Variants in BIRC6 observed in about 807,000 individuals in gnomAD.
BIRC6 encodes the protein baculoviral IAP repeat containing 6, also known as dual E2 ubiquitin-conjugating enzyme/E3 ubiquitin-protein ligase BIRC6.
In BIRC6, 98 loss-of-function variants were observed where a neutral mutation model predicts 503.3. The observed-to-expected ratio is 0.19, with a 90% CI of 0.17 to 0.23. The LOEUF (loss-of-function observed/expected upper bound fraction) is 0.23, where lower values mean the gene tolerates loss of function less well. Among genes scored for constraint, BIRC6 ranks in the 10% least tolerant of loss-of-function variants. The pLI is 1.00. For missense variants in BIRC6, 5,360 were observed against 5,806.0 expected, an observed-to-expected ratio of 0.92 and a Z score of 2.50; for synonymous variants, 2,240 against 2,078.7, an observed-to-expected ratio of 1.08 and a Z score of -2.11.
chr2:32,431,741 G>A (rs1574157465), intron 12 of BIRC6, among the ~76,000 whole-genome samples: 2 of 152,288 alleles, frequency 1.3e-5, no homozygotes, highest in East Asian at 3.9e-4. Flanking sequence ...TCAAATGCTT[G>A]TTTTGTATTT....
chr2:32,535,827 G>A (rs2057186268), intron 61 of BIRC6, among the ~76,000 whole-genome samples: 1 of 152,192 alleles, frequency 6.6e-6, no homozygotes, highest in South Asian at 2.1e-4. Flanking sequence ...ACCCAGTAAT[G>A]GGATGGCTGG....
intron 10 of BIRC6, among the ~76,000 whole-genome samples, chr2:32,423,220 G>C (rs1386877409): frequency 6.6e-6 from 1 of 152,192 alleles, no homozygotes; most frequent in East Asian, 1.9e-4. Context: ...GTGACCCACT[G>C]TTCCCGGCCT....
intron 23 of BIRC6, among the ~76,000 whole-genome samples, chr2:32,462,954 C>CA (rs544469284): frequency 0.04 from 2,573 of 64,730 alleles, 35 homozygotes; most frequent in Middle Eastern, 0.079. Flanking sequence ...GACCCTGTCT[C>CA]AAAAAAAAAA....
chr2:32,609,926 C>T (rs140400959), intron 72 of BIRC6, among the ~76,000 whole-genome samples: 2,498 of 152,270 alleles, frequency 0.016, 74 homozygotes, highest in Admixed American at 0.054. Flanking sequence ...ACTCCTTGGC[C>T]ATGTATGCTT....
chr2:32,429,494 GA>G (rs1466932824), intron 11 of BIRC6, among the ~76,000 whole-genome samples, 199 bp downstream of exon 11: 1 of 151,992 alleles, frequency 6.6e-6, no homozygotes, highest in Non-Finnish European at 1.5e-5. Flanking sequence ...CTAATTAGAG[GA>G]GGGAAAAATC....
intron 5 of BIRC6, among the ~76,000 whole-genome samples, chr2:32,392,663 C>T (rs1173735523): frequency 6.6e-6 from 1 of 152,080 alleles, no homozygotes; most frequent in East Asian, 1.9e-4. Context: ...CACTCTGTTG[C>T]CCACGCTGGA....
Position 32,504,941 on chromosome 2 carries a change from A to AT in BIRC6, c.9500-60dup, listed in dbSNP as rs2053636003. On this transcript the variant is annotated intron_variant, in intron 49 of 73. Transcript: ENST00000421745. ...TTCTAGTTTAATTGTATTTGTATAGATTTTAAAGCTTTATTATGTTTCTTT... is the reference window on the plus strand; with the variant it reads ...TTCTAGTTTAATTGTATTTGTATAGATTTTTAAAGCTTTATTATGTTTCTTT... 11 of 1,385,002 alleles carry AT rather than the reference A, an allele frequency of 7.9e-6. No homozygotes were observed. The South Asian group carries it at 1.3e-4, about 16-fold the overall frequency. 85.8% of individuals were successfully genotyped at this position (1,385,002 alleles called of 1,614,324 possible). A position where few individuals can be genotyped will look rare whatever the true frequency, so the allele number is the denominator to read the frequency against.
In BIRC6 at chr2:32,505,054, G is replaced by A; in HGVS notation, c.9549G>A (p.Leu3183=). 6.2e-7 allele frequency: 1 copy of A among 1,613,744 alleles called. No individual in the cohort carries two copies. The highest frequency in any genetic ancestry group is 8.5e-7 in the Non-Finnish European group (1 of 1,179,808). ...CTGCCCAACCAGCTGAAGTGCTATT[G>A]CAGGCCACACCTCCTCACAGAAGAG... ...SPTAQPAEVL[L]QATPPHRRAR... The change falls in exon 50 of 74, where the codon TTG becomes TTA. Residue 3183 remains leucine (L), a synonymous_variant. Coordinates refer to ENST00000421745, the MANE Select transcript of BIRC6 (RefSeq NM_016252.4).
rs1352763464 is a variant in BIRC6 at position 32,416,130 on chromosome 2, T to G, written c.2839T>G (p.Ser947Ala). Residue 947 changes from serine (S) to alanine (A), a missense_variant, in exon 10 of 74, where the codon TCT becomes GCT. Ser to Ala is a moderately conservative substitution (Grantham distance 99). Around this residue, in one of 16 missense-constraint regions of BIRC6, gnomAD observed 700 missense variants for 739.3 expected, o/e 0.95. Transcript: ENST00000421745. ...CACATTTGTTTCTGTGATTTACTGT[T>G]CTGGCACAGACAGGCTGTGTGCATG... is the stretch of plus-strand genomic sequence containing the variant. ...QDTFVSVIYC[S>A]GTDRLCACTK... 1.2e-6 allele frequency: 2 copies of G among 1,611,836 alleles called. No individual in the cohort carries two copies. Among genetic ancestry groups the G allele is most frequent in the African/African-American group, 2.7e-5 (2 of 74,834 alleles).
intron 55 of BIRC6, among the ~76,000 whole-genome samples, chr2:32,516,577 GA>G (rs1182244113): frequency 1.5e-5 from 2 of 132,722 alleles, no homozygotes; most frequent in Non-Finnish European, 3.1e-5. Context: ...CTGGGTGACA[GA>G]GTGAGACTCC....
intron 12 of BIRC6, among the ~76,000 whole-genome samples, chr2:32,432,158 G>A (rs2044195219): frequency 6.6e-6 from 1 of 152,124 alleles, no homozygotes. Flanking sequence ...GCTCAAACCT[G>A]TAATCCCAGC....
Position 32,415,074 on chromosome 2 carries a change from A to T in BIRC6, c.1783A>T (p.Ser595Cys), listed in dbSNP as rs1335057305. The change falls in exon 10 of 74, where the codon AGC becomes TGC. Residue 595 changes from serine to cysteine, a missense_variant. By Grantham distance (112) the Ser-to-Cys change is moderately radical. Coordinates refer to ENST00000421745, the MANE Select transcript of BIRC6 (RefSeq NM_016252.4). Reference sequence around the variant, plus strand: ...TTCTCACAGGTCACTGGATGGTTTAAGCAGAACTCAGGGTGAAAGTATATC... The same window carrying T: ...TTCTCACAGGTCACTGGATGGTTTATGCAGAACTCAGGGTGAAAGTATATC... ...SNSHRSLDGL[S>C]RTQGESISEQ... 1 of 1,613,960 alleles carries T rather than the reference A, an allele frequency of 6.2e-7. No individual in the cohort carries two copies. The highest frequency in any genetic ancestry group is 1.1e-5 in the South Asian group (1 of 91,064).
chr2:32,401,721 GT>G, intron 8 of BIRC6, 98 bp downstream of exon 8: 2 of 1,077,320 alleles, frequency 1.9e-6, no homozygotes, highest in South Asian at 2.0e-5. Context: ...GGAAAAAAAA[GT>G]TACGCAGTTA....
At chr2:32,534,390 A>G (rs941046601) in intron 61 of BIRC6, among the ~76,000 whole-genome samples, 31 of 151,196 alleles carry the variant, frequency 2.1e-4, no homozygotes, top group African/African-American at 5.8e-4. Flanking sequence ...AAAAAAAAAA[A>G]AGAGACACTG....
intron 15 of BIRC6, among the ~76,000 whole-genome samples, chr2:32,436,568 G>A (rs1048745933): frequency 3.9e-5 from 6 of 151,982 alleles, no homozygotes; most frequent in Non-Finnish European, 8.8e-5. Context: ...TCCCTTAAAA[G>A]AGGTATTTTG....
Position 32,380,174 on chromosome 2 carries a change from T to A in BIRC6, c.529T>A (p.Cys177Ser). 3 of 1,562,020 alleles carry A rather than the reference T, an allele frequency of 1.9e-6. No individual in the cohort carries two copies. Among genetic ancestry groups the A allele is most frequent in the Non-Finnish European group, 2.6e-6 (3 of 1,158,340 alleles). Reference protein sequence around the residue: ...VTEAQQLLSACLEKVDISSTE... With the variant: ...VTEAQQLLSASLEKVDISSTE... ...TTAGGCACAGCAGCTCTTATCAGCA[T>A]GTTTAGAAAAGGTAGATATTTCTAG... Residue 177 changes from cysteine (C) to serine (S), a missense_variant, in exon 3 of 74, where the codon TGT (cysteine) becomes AGT (serine). Physicochemically the swap from Cys to Ser is moderately radical, Grantham distance 112. Coordinates refer to ENST00000421745, the MANE Select transcript of BIRC6 (RefSeq NM_016252.4).
At chr2:32,513,400 G>A (rs1474453124) in intron 54 of BIRC6, among the ~76,000 whole-genome samples, 1 of 152,122 alleles carries the variant, frequency 6.6e-6, no homozygotes, top group Non-Finnish European at 1.5e-5. Flanking sequence ...AGATGTTGCT[G>A]TGGTTCATAG....
chr2:32,548,066 T>C, intron 64 of BIRC6, 52 bp downstream of exon 64: 1 of 1,440,310 alleles, frequency 6.9e-7, no homozygotes, highest in Non-Finnish European at 9.2e-7. Context: ...TTTTTGTATT[T>C]ATTATTTTAA....
At chr2:32,553,692 T>A (rs1166740374) in intron 65 of BIRC6, among the ~76,000 whole-genome samples, 1 of 152,050 alleles carries the variant, frequency 6.6e-6, no homozygotes, top group Non-Finnish European at 1.5e-5. Flanking sequence ...CAACCCAGCC[T>A]GTAAATGAAT....
Sources: allele counts gnomAD v4.1 joint callset (sites outside exome capture counted in the v4.1 genomes callset), GRCh38; gene constraint gnomAD v4.1.1; regional missense constraint gnomAD v4.1.1; transcripts MANE v1.5; gene names NCBI Gene and HGNC (gene_info 2026-07-23, HGNC 2026-07-21).